LARS2: variants seen among roughly 807,000 people sequenced by gnomAD.
The protein encoded by LARS2 is leucine--tRNA ligase, mitochondrial.
LARS2 carries 81 observed loss-of-function variants against 116.6 expected under a neutral mutation model. The observed-to-expected ratio is 0.69, with a 90% CI of 0.58 to 0.84. The LOEUF (loss-of-function observed/expected upper bound fraction) is 0.84. Among genes scored for constraint, LARS2 ranks in the 40% least tolerant of loss-of-function variants. The probability of loss-of-function intolerance (pLI) is 0.00; values close to 1 mark genes in which losing one functional copy is unlikely to be tolerated. For synonymous variants in LARS2, 396 were observed against 407.2 expected (o/e 0.97, Z 0.33); for missense variants, 968 against 1,114.5 (o/e 0.87, Z 1.87).
intron 4 of LARS2, among the ~76,000 whole-genome samples, chr3:45,412,240 G>A (rs752863964): frequency 1.4e-4 from 22 of 152,054 alleles, no homozygotes; most frequent in Non-Finnish European, 2.8e-4. Context: ...TGGTAATTCT[G>A]TTGTCAGCTT....
At position 45,481,135 on chromosome 3, in the gene LARS2, G is replaced by A. The variant is rs1333862095; in HGVS notation, c.1018+4508G>A. Among the ~76,000 whole-genome samples the A allele has an allele frequency of 6.6e-5, 10 of 152,052 alleles. No homozygotes were observed. The South Asian group carries it at 1.2e-3, about 19-fold the overall frequency. On this transcript the variant is annotated intron_variant, in intron 10 of 21. Coordinates refer to ENST00000645846, the MANE Select transcript of LARS2 (RefSeq NM_015340.4). ...CCTATTCTGGACATTTCATGTAGAT[G>A]GAATCAAATATAATATTTGTCATCT...
At chr3:45,392,302 C>CTT (rs749403733) in intron 2 of LARS2, among the ~76,000 whole-genome samples, 27 of 138,218 alleles carry the variant, frequency 2.0e-4, no homozygotes, top group African/African-American at 5.6e-4. Context: ...TCTTTTTTAT[C>CTT]TTTTTTTTTT....
chr3:45,402,515 A>G (rs1309050859), intron 4 of LARS2, among the ~76,000 whole-genome samples: 1 of 152,212 alleles, frequency 6.6e-6, no homozygotes, highest in Non-Finnish European at 1.5e-5. Flanking sequence ...GGCCTATACA[A>G]ATGATATCTG....
At chr3:45,412,983 C>A (rs1698357035) in intron 4 of LARS2, among the ~76,000 whole-genome samples, 1 of 152,232 alleles carries the variant, frequency 6.6e-6, no homozygotes, top group South Asian at 2.1e-4. Context: ...AACAGCCGGG[C>A]TGCTTTTAAT....
chr3:45,542,393 T>C (rs1030081778), intron 21 of LARS2, among the ~76,000 whole-genome samples: 11 of 152,182 alleles, frequency 7.2e-5, no homozygotes, highest in African/African-American at 2.4e-4. Context: ...GGCTCCATAA[T>C]TTTTACTTGA....
At chr3:45,450,465 G>A (rs575976404) in intron 7 of LARS2, among the ~76,000 whole-genome samples, 1 of 152,150 alleles carries the variant, frequency 6.6e-6, no homozygotes, top group South Asian at 2.1e-4. Flanking sequence ...ACTTTTTTAA[G>A]CTCTCACATA....
chr3:45,466,931 C>T (rs1699434770), intron 8 of LARS2, among the ~76,000 whole-genome samples: 3 of 152,160 alleles, frequency 2.0e-5, no homozygotes, highest in South Asian at 2.1e-4. Context: ...TTGTTTACCC[C>T]TGCTCTTGGG....
chr3:45,459,972 G>C lies in LARS2; in HGVS notation c.750+1086G>C, dbSNP rs555785471. ...TGAGTATCAACTGAAATGGACTCTG[G>C]GTTAGATCCAATACTGTTGTTCTTA... On this transcript the variant is annotated intron_variant, in intron 8 of 21. Transcript: ENST00000645846. Among the ~76,000 whole-genome samples, 3 of 152,192 alleles carry C rather than the reference G, an allele frequency of 2.0e-5. No individual in the cohort carries two copies. In the South Asian group the frequency reaches 6.2e-4, roughly 32 times the overall value.
chr3:45,497,510 C>T (rs1399352979), intron 14 of LARS2, among the ~76,000 whole-genome samples: 2 of 152,164 alleles, frequency 1.3e-5, no homozygotes. Context: ...CTTCGTGGTT[C>T]TAAAATAATA....
intron 20 of LARS2, among the ~76,000 whole-genome samples, chr3:45,533,738 AG>A (rs1700657103): frequency 1.3e-5 from 2 of 152,124 alleles, no homozygotes; most frequent in African/African-American, 4.8e-5. Context: ...TCTCCCTGGC[AG>A]GTCTTATGGT....
At chr3:45,392,094 A>G (rs1454259396) in intron 2 of LARS2, among the ~76,000 whole-genome samples, 1 of 152,166 alleles carries the variant, frequency 6.6e-6, no homozygotes, top group Admixed American at 6.5e-5. Context: ...AAAATCTGTG[A>G]CTTCTATATA....
In LARS2 at chr3:45,496,335, G is replaced by T. The variant is rs483352739; in HGVS notation, c.1584G>T (p.Trp528Cys). 6.2e-7 allele frequency: 1 copy of T among 1,614,062 alleles called. No individual in the cohort carries two copies. The highest frequency in any genetic ancestry group is 1.1e-5 in the South Asian group (1 of 91,070). Reference protein sequence around the residue: ...DTMDTFVDSAWYYFRYTDPHN... With the variant: ...DTMDTFVDSACYYFRYTDPHN... ...TGGATACCTTTGTTGATTCTGCTTG[G>T]TACTACTTCAGATACACTGACCCTC... Residue 528 changes from tryptophan to cysteine, a missense_variant, in exon 14 of 22, where the codon TGG becomes TGT. Coordinates refer to ENST00000645846, the MANE Select transcript of LARS2 (RefSeq NM_015340.4).
intron 4 of LARS2, among the ~76,000 whole-genome samples, chr3:45,414,692 T>C (rs1698386827): frequency 6.6e-6 from 1 of 151,568 alleles, no homozygotes; most frequent in African/African-American, 2.4e-5. Flanking sequence ...GTGGCGCCAC[T>C]GCACTTCAGC....
intron 7 of LARS2, 41 bp from the exon 8 acceptor site, chr3:45,458,702 T>C (rs1236688091): frequency 1.3e-6 from 2 of 1,587,268 alleles, no homozygotes; most frequent in South Asian, 1.2e-5. Flanking sequence ...AAAAAAAGAG[T>C]ACTCACCAGA....
chr3:45,395,164 A>G (rs1325798726), intron 3 of LARS2, among the ~76,000 whole-genome samples: 1 of 152,178 alleles, frequency 6.6e-6, no homozygotes, highest in Non-Finnish European at 1.5e-5. Flanking sequence ...CGCTGGCTAC[A>G]TGTTCTGAGA....
At chr3:45,467,250 G>A (rs1032811652) in intron 8 of LARS2, among the ~76,000 whole-genome samples, 6 of 152,152 alleles carry the variant, frequency 3.9e-5, no homozygotes, top group Non-Finnish European at 5.9e-5. Context: ...TGCTATGAAG[G>A]AAGCAAATAG....
In LARS2 at chr3:45,409,670, T is replaced by C. The variant is rs116332538; in HGVS notation, c.364-7812T>C. On this transcript the variant is annotated intron_variant, in intron 4 of 21. Transcript: ENST00000645846. The stretch of plus-strand genomic sequence containing the variant: ...AGCTTTGCGCTTGGTCACTGGGCTC[T>C]AGGAAACCCAGGGTATAGAAACAAA... Among the ~76,000 whole-genome samples, 616 of 152,298 alleles carry C rather than the reference T, an allele frequency of 4.0e-3. 6 individuals are homozygous for C. The highest frequency in any genetic ancestry group is 0.014 in the African/African-American group (568 of 41,556).
At chr3:45,539,442 C>G (rs1259650268) in intron 20 of LARS2, among the ~76,000 whole-genome samples, 1 of 152,080 alleles carries the variant, frequency 6.6e-6, no homozygotes, top group Non-Finnish European at 1.5e-5. Context: ...ACCAGCCTGG[C>G]CAACATGGTA....
rs77054803 is a variant in LARS2, at chr3:45,543,942, G to A, written c.2532+1986G>A. Among the ~76,000 whole-genome samples, 537 of 152,274 alleles carry A rather than the reference G, an allele frequency of 3.5e-3. 10 individuals are homozygous for A. Among genetic ancestry groups the A allele is most frequent in the East Asian group, 0.027 (140 of 5,180 alleles). On this transcript the variant is annotated intron_variant, in intron 21 of 21. Coordinates refer to ENST00000645846, the MANE Select transcript of LARS2 (RefSeq NM_015340.4). ...GCAGAAAAGAAATTGAGTTTTGATC[G>A]TTGGTAAAAATAATTTTAGATAATC...
Sources: allele counts gnomAD v4.1 joint callset (sites outside exome capture counted in the v4.1 genomes callset), GRCh38; gene constraint gnomAD v4.1.1; transcripts MANE v1.5; gene names NCBI Gene and HGNC (gene_info 2026-07-23, HGNC 2026-07-21).